The following JMJD1C variants were observed in gnomAD, a reference collection of about 807,000 sequenced individuals.
The protein encoded by JMJD1C is jumonji domain containing 1C.
A neutral mutation model predicts 245.3 loss-of-function variants in JMJD1C; 31 were observed. The observed-to-expected ratio is 0.13, with a 90% CI of 0.09 to 0.17. The LOEUF (loss-of-function observed/expected upper bound fraction) is 0.17, where lower values mean the gene tolerates loss of function less well. Ranked by LOEUF, JMJD1C falls within the 10% of genes least tolerant of loss-of-function variation. The pLI is 1.00. For synonymous variants in JMJD1C, 1,057 were observed against 1,017.4 expected, an observed-to-expected ratio of 1.04 and a Z score of -0.74; for missense variants, 2,691 against 3,000.2, an observed-to-expected ratio of 0.90 and a Z score of 2.41.
intron 2 of JMJD1C, among the ~76,000 whole-genome samples, chr10:63,375,825 G>GAT (rs1347445813): frequency 5.3e-5 from 8 of 151,868 alleles, no homozygotes; most frequent in Middle Eastern, 3.2e-3. Flanking sequence ...AAAGAGCTGG[G>GAT]ATACAGCACC....
chr10:63,445,170 T>C (rs1351798504), intron 1 of JMJD1C, among the ~76,000 whole-genome samples: 3 of 152,164 alleles, frequency 2.0e-5, no homozygotes, highest in South Asian at 4.1e-4. Context: ...CAGTAAGCTA[T>C]GACCACGCCA....
intron 2 of JMJD1C, among the ~76,000 whole-genome samples, chr10:63,336,362 G>A (rs533477650): frequency 2.6e-5 from 4 of 152,216 alleles, no homozygotes; most frequent in South Asian, 4.2e-4. Flanking sequence ...GGAGGCTGAC[G>A]CAGGAGAACT....
At chr10:63,494,546 C>CA (rs1262973211) in intron 1 of JMJD1C, among the ~76,000 whole-genome samples, 2 of 151,968 alleles carry the variant, frequency 1.3e-5, no homozygotes, top group Admixed American at 6.6e-5. Flanking sequence ...TTTCACTAGC[C>CA]AATCATGAGT....
At chr10:63,481,779 AG>A (rs1953838047) in intron 1 of JMJD1C, among the ~76,000 whole-genome samples, 9 of 152,206 alleles carry the variant, frequency 5.9e-5, no homozygotes, top group African/African-American at 2.4e-5. Flanking sequence ...CCCCAAAACA[AG>A]GTAGTAAGAC....
chr10:63,238,526 T>C (rs1851059038), intron 3 of JMJD1C, among the ~76,000 whole-genome samples: 1 of 152,146 alleles, frequency 6.6e-6, no homozygotes, highest in African/African-American at 2.4e-5. Flanking sequence ...GAACATAAGG[T>C]CTTTAAATTA....
chr10:63,428,387 C>T (rs1291380038), intron 1 of JMJD1C, among the ~76,000 whole-genome samples: 1 of 152,164 alleles, frequency 6.6e-6, no homozygotes, highest in Non-Finnish European at 1.5e-5. Context: ...AATTATTTCA[C>T]AAAGATTACA....
At chr10:63,453,619 A>G (rs944739317) in intron 1 of JMJD1C, among the ~76,000 whole-genome samples, 1 of 152,224 alleles carries the variant, frequency 6.6e-6, no homozygotes, top group African/African-American at 2.4e-5. Context: ...CCAAAGGAAA[A>G]ATTTTTACTG....
chr10:63,422,830 A>G (rs1448682310), intron 1 of JMJD1C, among the ~76,000 whole-genome samples: 2 of 152,318 alleles, frequency 1.3e-5, no homozygotes, highest in East Asian at 1.9e-4. Context: ...AGGTATTCAC[A>G]TGTACTTTTT....
At chr10:63,487,781 C>T (rs1232819621) in intron 1 of JMJD1C, among the ~76,000 whole-genome samples, 1 of 152,122 alleles carries the variant, frequency 6.6e-6, no homozygotes, top group Non-Finnish European at 1.5e-5. Context: ...ACTCTTAGGA[C>T]ATTACTACAT....
intron 3 of JMJD1C, among the ~76,000 whole-genome samples, chr10:63,253,551 T>G (rs888535199): frequency 2.1e-4 from 32 of 152,092 alleles, no homozygotes; most frequent in African/African-American, 7.7e-4. Flanking sequence ...GTCCAGCTAA[T>G]TTTTTTGTAT....
intron 1 of JMJD1C, among the ~76,000 whole-genome samples, chr10:63,516,900 C>T (rs1322118313): frequency 2.0e-5 from 3 of 152,158 alleles, no homozygotes; most frequent in Non-Finnish European, 4.4e-5. Flanking sequence ...TGAAGCCAAA[C>T]TGAACCTCTG....
chr10:63,211,168 G>A (rs111765639), intron 8 of JMJD1C, among the ~76,000 whole-genome samples: 5,308 of 152,180 alleles, frequency 0.035, 287 homozygotes, highest in East Asian at 0.26. Flanking sequence ...TATCATCAAA[G>A]TTCACCCATC....
At chr10:63,517,759 T>C (rs1403678730) in intron 1 of JMJD1C, among the ~76,000 whole-genome samples, 2 of 151,034 alleles carry the variant, frequency 1.3e-5, no homozygotes, top group African/African-American at 2.4e-5. Flanking sequence ...CCTTATCTTA[T>C]ACAGTGAAGT....
intron 2 of JMJD1C, among the ~76,000 whole-genome samples, chr10:63,303,666 T>A (rs1860360168): frequency 6.6e-6 from 1 of 152,214 alleles, no homozygotes; most frequent in Non-Finnish European, 1.5e-5. Context: ...CGTACATATG[T>A]GATTCATATC....
chr10:63,293,506 T>A (rs1165665807), intron 2 of JMJD1C, among the ~76,000 whole-genome samples: 1 of 152,174 alleles, frequency 6.6e-6, no homozygotes, highest in East Asian at 1.9e-4. Context: ...TATTTGTTTT[T>A]CCTTCTTTAT....
chr10:63,508,762 A>C (rs1954793403), intron 1 of JMJD1C, among the ~76,000 whole-genome samples: 1 of 152,110 alleles, frequency 6.6e-6, no homozygotes, highest in Admixed American at 6.5e-5. Context: ...TGTGTTTTTA[A>C]TTTCAAATTC....
At chr10:63,218,541 A>C (rs1848243571) in intron 4 of JMJD1C, among the ~76,000 whole-genome samples, 1 of 152,042 alleles carries the variant, frequency 6.6e-6, no homozygotes, top group Non-Finnish European at 1.5e-5. Flanking sequence ...TTATAGAGTA[A>C]CTCCAAATAT....
At chr10:63,410,729 T>C (rs189451335) in intron 1 of JMJD1C, among the ~76,000 whole-genome samples, 121 of 152,264 alleles carry the variant, frequency 7.9e-4, no homozygotes, top group African/African-American at 2.8e-3. Context: ...AATACTCTAT[T>C]TTGGTTTTCA....
chr10:63,301,045 C>T (rs1320643125), intron 2 of JMJD1C, among the ~76,000 whole-genome samples: 1 of 152,162 alleles, frequency 6.6e-6, no homozygotes, highest in Non-Finnish European at 1.5e-5. Flanking sequence ...AAGACAGAGT[C>T]TGCTCTGTCA....
Sources: allele counts gnomAD v4.1 joint callset (sites outside exome capture counted in the v4.1 genomes callset), GRCh38; gene constraint gnomAD v4.1.1; transcripts MANE v1.5; gene names NCBI Gene and HGNC (gene_info 2026-07-23, HGNC 2026-07-21).